Variants in PSMD14 observed in about 807,000 individuals in gnomAD.
The protein encoded by PSMD14 is proteasome 26S subunit, non-ATPase 14, also known as ubiquitin C-terminal hydrolase PSMD14.
A neutral mutation model predicts 41.2 loss-of-function variants in PSMD14; 7 were observed. The ratio of observed to expected loss-of-function variants is 0.17; its 90% CI spans 0.10 to 0.32. The LOEUF (loss-of-function observed/expected upper bound fraction) is 0.32. Among genes scored for constraint, PSMD14 ranks in the 10% least tolerant of loss-of-function variants. The pLI, the probability that PSMD14 is intolerant of heterozygous loss-of-function variation, is 1.00. For missense variants in PSMD14, 139 were observed against 375.6 expected (o/e 0.37, Z 5.21); for synonymous variants, 114 against 122.3 (o/e 0.93, Z 0.45).
At chr2:161,395,572 A>G (rs910751652) in intron 10 of PSMD14, among the ~76,000 whole-genome samples, 1 of 152,204 alleles carries the variant, frequency 6.6e-6, no homozygotes, top group African/African-American at 2.4e-5. Context: ...GGGGATATAG[A>G]TAACAACAGC....
At chr2:161,340,732 T>C in intron 3 of PSMD14, 3 of 1,605,002 alleles carry the variant, frequency 1.9e-6, no homozygotes, top group Non-Finnish European at 2.6e-6. Context: ...CCCAGACTCC[T>C]CTCTGGGGTT....
At chr2:161,322,183 C>T (rs530676090) in intron 3 of PSMD14, among the ~76,000 whole-genome samples, 64 of 152,224 alleles carry the variant, frequency 4.2e-4, no homozygotes, top group Admixed American at 2.1e-3. Context: ...CAGATTATTA[C>T]GCAACAAAGA....
chr2:161,354,635 A>G (rs1683169072), intron 3 of PSMD14, among the ~76,000 whole-genome samples: 1 of 152,174 alleles, frequency 6.6e-6, no homozygotes, highest in African/African-American at 2.4e-5. Context: ...CACACATAGA[A>G]ACTTTGTTTT....
intron 10 of PSMD14, among the ~76,000 whole-genome samples, chr2:161,402,890 C>A (rs1683899045): frequency 6.6e-6 from 1 of 151,920 alleles, no homozygotes; most frequent in Admixed American, 6.6e-5. Context: ...TGGCTAGAAT[C>A]AAAATAATGA....
chr2:161,311,924 A>T (rs1441939886), intron 1 of PSMD14, among the ~76,000 whole-genome samples: 2 of 150,780 alleles, frequency 1.3e-5, no homozygotes, highest in African/African-American at 4.9e-5. Context: ...CACCATTCTC[A>T]CTCTTCTAAG....
intron 8 of PSMD14, among the ~76,000 whole-genome samples, chr2:161,390,543 A>T (rs990765613): frequency 1.3e-5 from 2 of 152,144 alleles, no homozygotes; most frequent in East Asian, 3.9e-4. Flanking sequence ...GGTGAAAAAA[A>T]TTCTGGTTGG....
intron 10 of PSMD14, among the ~76,000 whole-genome samples, chr2:161,406,895 A>C (rs1683954590): frequency 6.6e-6 from 1 of 152,174 alleles, no homozygotes. Context: ...CTAACTTTTC[A>C]AATAAGATCA....
In PSMD14 at chr2:161,367,770, C is replaced by T. The variant is rs770298644; in HGVS notation, c.121-14C>T. On this transcript the variant is annotated splice_polypyrimidine_tract_variant and intron_variant, in intron 4 of 11. Transcript: ENST00000409682. Reference sequence around the variant, plus strand: ...CGAAATTTGCTTTGTGTCCACATCTCTTCCTTTCTACAGATGTTAAAACAT... The same window carrying T: ...CGAAATTTGCTTTGTGTCCACATCTTTTCCTTTCTACAGATGTTAAAACAT... 1.1e-5 allele frequency: 18 copies of T among 1,612,054 alleles called. No individual in the cohort carries two copies. In the South Asian group the frequency reaches 1.9e-4, roughly 17 times the overall value.
chr2:161,329,683 A>T (rs796885770), intron 3 of PSMD14, among the ~76,000 whole-genome samples: 4 of 152,284 alleles, frequency 2.6e-5, no homozygotes, highest in African/African-American at 9.6e-5. Flanking sequence ...ACAAAGCAGA[A>T]TTACAAGATG....
At chr2:161,349,689 TGAG>T (rs1683091929) in intron 3 of PSMD14, among the ~76,000 whole-genome samples, 1 of 152,112 alleles carries the variant, frequency 6.6e-6, no homozygotes, top group African/African-American at 2.4e-5. Context: ...AATTACATGA[TGAG>T]GAGAAGAGTT....
At chr2:161,361,879 GCTTTTAT>G (rs1395601791) in intron 3 of PSMD14, among the ~76,000 whole-genome samples, 1 of 151,888 alleles carries the variant, frequency 6.6e-6, no homozygotes. Context: ...ATTATGAGAG[GCTTTTAT>G]CTTTTAACAA....
rs888838074 is a variant in PSMD14, at chr2:161,370,009, A to G, written c.241-98A>G. The stretch of plus-strand genomic sequence containing the variant: ...GTAGGTATCAAATGTAGGTATCAAA[A>G]CCTATAAAATGATTTTGGCAACCCC... On this transcript the variant is annotated intron_variant, in intron 5 of 11. Coordinates refer to ENST00000409682, the MANE Select transcript of PSMD14 (RefSeq NM_005805.6). The G allele has an allele frequency of 1.0e-5, 8 of 795,390 alleles. No homozygotes were observed. In the Admixed American group the frequency reaches 2.1e-4, roughly 21 times the overall value. 49.3% of individuals were successfully genotyped at this position (795,390 alleles called of 1,614,324 possible). A position where few individuals can be genotyped will look rare whatever the true frequency, so the allele number is the denominator to read the frequency against.
chr2:161,391,535 C>T (rs1452324026), intron 9 of PSMD14, among the ~76,000 whole-genome samples: 1 of 152,018 alleles, frequency 6.6e-6, no homozygotes, highest in Non-Finnish European at 1.5e-5. Flanking sequence ...ATATATTGCT[C>T]TGTAAATTTG....
intron 1 of PSMD14, among the ~76,000 whole-genome samples, chr2:161,313,695 T>C (rs1359122881): frequency 6.6e-6 from 1 of 152,242 alleles, no homozygotes; most frequent in Non-Finnish European, 1.5e-5. Context: ...TGAAGGTACA[T>C]ATATCTTCAT....
intron 3 of PSMD14, among the ~76,000 whole-genome samples, chr2:161,335,441 T>C (rs1682854709): frequency 6.6e-6 from 1 of 152,242 alleles, no homozygotes; most frequent in Non-Finnish European, 1.5e-5. Context: ...TTTAAAATAG[T>C]TTAAATTACA....
intron 3 of PSMD14, among the ~76,000 whole-genome samples, chr2:161,334,630 G>A (rs1475729309): frequency 2.0e-5 from 3 of 152,244 alleles, no homozygotes; most frequent in Non-Finnish European, 4.4e-5. Context: ...GTATAAGAAA[G>A]AGAAAATGGG....
rs143811798 is a variant in PSMD14, at chr2:161,324,234, A to G, written c.48+5361A>G. Among the ~76,000 whole-genome samples, 44 of 152,362 alleles carry G rather than the reference A, an allele frequency of 2.9e-4. No homozygotes were observed. The East Asian group carries it at 7.1e-3, about 25-fold the overall frequency. ...AATTCCAAGACGAACAAGAATATCA[A>G]TGCCTAATCCAGAGCCTTACATTAT... is the stretch of plus-strand genomic sequence containing the variant. On this transcript the variant is annotated intron_variant, in intron 3 of 11. Transcript: ENST00000409682.
chr2:161,333,563 A>G (rs1313897814), intron 3 of PSMD14, among the ~76,000 whole-genome samples: 2 of 152,262 alleles, frequency 1.3e-5, no homozygotes, highest in Non-Finnish European at 2.9e-5. Flanking sequence ...GCTGAGATCC[A>G]TGGAAGAGGA....
chr2:161,409,083 A>G (rs1683992074), intron 11 of PSMD14, among the ~76,000 whole-genome samples, 184 bp downstream of exon 11: 1 of 152,138 alleles, frequency 6.6e-6, no homozygotes, highest in Non-Finnish European at 1.5e-5. Context: ...ATAGAGAAGT[A>G]AATCACAAAT....
Sources: gnomAD v4.1 joint callset for allele counts (sites outside exome capture counted in the v4.1 genomes callset) on GRCh38, gnomAD v4.1.1 for gene constraint, MANE v1.5 for transcripts, NCBI Gene and HGNC (gene_info 2026-07-23, HGNC 2026-07-21) for gene names.